The following MBNL1 variants were observed in gnomAD, a reference collection of about 807,000 sequenced individuals.
MBNL1 encodes muscleblind like splicing regulator 1.
MBNL1 carries 8 observed loss-of-function variants against 42.2 expected under a neutral mutation model. The observed-to-expected ratio is 0.19, with a 90% CI of 0.11 to 0.34. The LOEUF (loss-of-function observed/expected upper bound fraction) is 0.34. Among genes scored for constraint, MBNL1 ranks in the 10% least tolerant of loss-of-function variants. The pLI, the probability that MBNL1 is intolerant of heterozygous loss-of-function variation, is 1.00. For synonymous variants in MBNL1, 169 were observed against 173.9 expected (o/e 0.97, Z 0.22); for missense variants, 309 against 495.3 (o/e 0.62, Z 3.57).
chr3:152,268,821 C>T (rs2038082119), upstream of MBNL1: 1 of 447,034 alleles, frequency 2.2e-6, no homozygotes, highest in Non-Finnish European at 4.5e-6. Context: ...AGGAGCTCGA[C>T]GAGTCCGCCC....
chr3:152,377,968 T>C (rs1579057418), intron 2 of MBNL1, among the ~76,000 whole-genome samples: 1 of 152,338 alleles, frequency 6.6e-6, no homozygotes, highest in East Asian at 1.9e-4. Flanking sequence ...TTTGAGGACC[T>C]GCTGTATATT....
At chr3:152,446,474 A>G (rs575371073) in intron 5 of MBNL1, among the ~76,000 whole-genome samples, 5 of 152,234 alleles carry the variant, frequency 3.3e-5, no homozygotes, top group African/African-American at 1.2e-4. Flanking sequence ...AATTAACTAC[A>G]AAGAGGAGTT....
chr3:152,386,298 C>G (rs953810186), intron 2 of MBNL1, among the ~76,000 whole-genome samples: 4 of 151,994 alleles, frequency 2.6e-5, no homozygotes, highest in Non-Finnish European at 4.4e-5. Context: ...ATTTGATGCT[C>G]TCTTGGGAAA....
chr3:152,330,476 A>G (rs957263921), intron 2 of MBNL1, among the ~76,000 whole-genome samples: 2 of 152,138 alleles, frequency 1.3e-5, no homozygotes, highest in Non-Finnish European at 2.9e-5. Flanking sequence ...TGCTACTTTC[A>G]TTTAGGTGCA....
intron 2 of MBNL1, among the ~76,000 whole-genome samples, chr3:152,367,518 A>T (rs2153222041): frequency 6.6e-6 from 1 of 152,300 alleles, no homozygotes; most frequent in African/African-American, 2.4e-5. Flanking sequence ...TAGTAGAATG[A>T]TTTATAATCC....
At chr3:152,342,224 A>G (rs951005121) in intron 2 of MBNL1, among the ~76,000 whole-genome samples, 9 of 152,008 alleles carry the variant, frequency 5.9e-5, no homozygotes, top group African/African-American at 1.5e-4. Context: ...AACCCTTTTC[A>G]TAGCCTGGTA....
intron 4 of MBNL1, among the ~76,000 whole-genome samples, chr3:152,437,814 C>T (rs2099099043): frequency 6.7e-6 from 1 of 149,204 alleles, no homozygotes; most frequent in Admixed American, 6.7e-5. Flanking sequence ...CACACTGTTG[C>T]CCAGGCTGGA....
In MBNL1 at chr3:152,463,690, TAAAAAA is replaced by T. The variant is rs536322471; in HGVS notation, c.*1329_*1334del. 1 of 149,914 alleles carries T rather than the reference TAAAAAA, an allele frequency of 6.7e-6. No homozygotes were observed. Among genetic ancestry groups the T allele is most frequent in the African/African-American group, 2.4e-5 (1 of 40,854 alleles). The allele number at this position is 149,914 out of a possible 1,614,324, so 9.3% of individuals were successfully genotyped here. A position where few individuals can be genotyped will look rare whatever the true frequency, so the allele number is the denominator to read the frequency against. ...AGCCTTAGAAAGCCTTTTACAAAAT[TAAAAAA>T]AAAATAGATGTGCATTCAGTTTTTA... On this transcript the variant is annotated 3_prime_UTR_variant, in exon 10 of 10. Transcript: ENST00000324210.
chr3:152,440,691 C>T (rs1220976457), intron 4 of MBNL1, among the ~76,000 whole-genome samples: 2 of 152,170 alleles, frequency 1.3e-5, no homozygotes, highest in African/African-American at 4.8e-5. Flanking sequence ...AAATTGACTA[C>T]AGTTACATTT....
At chr3:152,359,459 G>T (rs959412897) in intron 2 of MBNL1, among the ~76,000 whole-genome samples, 1 of 152,168 alleles carries the variant, frequency 6.6e-6, no homozygotes, top group Non-Finnish European at 1.5e-5. Flanking sequence ...TGGGGGTGGG[G>T]AAGGAGACAC....
chr3:152,378,886 A>G (rs933967880), intron 2 of MBNL1, among the ~76,000 whole-genome samples: 1 of 151,382 alleles, frequency 6.6e-6, no homozygotes, highest in African/African-American at 2.4e-5. Flanking sequence ...CTGGCTGATA[A>G]TTGCATTTTT....
intron 2 of MBNL1, among the ~76,000 whole-genome samples, chr3:152,393,236 A>T (rs1190067364): frequency 9.2e-5 from 14 of 152,218 alleles, no homozygotes; most frequent in Non-Finnish European, 1.6e-4. Context: ...TATTCCCAAT[A>T]GACTGGGAGT....
intron 2 of MBNL1, chr3:152,340,205 C>G (rs1314632528): frequency 4.4e-6 from 1 of 226,386 alleles, no homozygotes; most frequent in African/African-American, 2.3e-5. Flanking sequence ...ACCTGTAGTC[C>G]TAGTTACTCA....
chr3:152,249,891 CTTGT>C (rs2034216602), intron 2 of MBNL1, among the ~76,000 whole-genome samples: 1 of 149,012 alleles, frequency 6.7e-6, no homozygotes, highest in South Asian at 2.2e-4. Context: ...TTCCCCATTG[CTTGT>C]TTTTCTCAGG....
intron 8 of MBNL1, among the ~76,000 whole-genome samples, chr3:152,457,491 C>G (rs1736052286): frequency 1.3e-5 from 2 of 152,222 alleles, no homozygotes; most frequent in South Asian, 4.1e-4. Flanking sequence ...GAAGAACATT[C>G]AGCTATTAGT....
At chr3:152,369,222 G>T (rs1322222854) in intron 2 of MBNL1, among the ~76,000 whole-genome samples, 4 of 152,036 alleles carry the variant, frequency 2.6e-5, no homozygotes, top group African/African-American at 7.3e-5. Context: ...AGCATGAAGG[G>T]GTGTTGAATT....
At chr3:152,341,396 G>A (rs530704267) in intron 2 of MBNL1, among the ~76,000 whole-genome samples, 1 of 152,296 alleles carries the variant, frequency 6.6e-6, no homozygotes, top group Admixed American at 6.5e-5. Context: ...AATAGTTTAA[G>A]TACTTTTAGA....
intron 2 of MBNL1, among the ~76,000 whole-genome samples, chr3:152,334,286 T>C (rs1377502276): frequency 1.3e-5 from 2 of 152,244 alleles, no homozygotes; most frequent in African/African-American, 4.8e-5. Flanking sequence ...CCTGTTATTT[T>C]ACTTATCCTT....
intron 2 of MBNL1, among the ~76,000 whole-genome samples, chr3:152,365,301 T>C (rs1256145801): frequency 6.6e-6 from 1 of 152,146 alleles, no homozygotes; most frequent in African/African-American, 2.4e-5. Context: ...CACTTGATTA[T>C]GTGAATAGTT....
Sources: gnomAD v4.1 joint callset for allele counts (sites outside exome capture counted in the v4.1 genomes callset) on GRCh38, gnomAD v4.1.1 for gene constraint, MANE v1.5 for transcripts, NCBI Gene and HGNC (gene_info 2026-07-23, HGNC 2026-07-21) for gene names.